Variants in RELCH observed in about 807,000 individuals in gnomAD.
The protein encoded by RELCH is RAB11 binding and LisH domain, coiled-coil and HEAT repeat containing, also known as RAB11-binding protein RELCH.
In RELCH, 41 loss-of-function variants were observed where a neutral mutation model predicts 150.3. The ratio of observed to expected loss-of-function variants is 0.27; its 90% CI spans 0.21 to 0.35. RELCH has a LOEUF of 0.35. Ranked by LOEUF, RELCH falls within the 10% of genes least tolerant of loss-of-function variation. RELCH has a pLI of 1.00. For missense variants in RELCH, 1,092 were observed against 1,467.8 expected, an observed-to-expected ratio of 0.74 and a Z score of 4.18; for synonymous variants, 478 against 531.8, an observed-to-expected ratio of 0.90 and a Z score of 1.39.
At chr18:62,265,157 C>T (rs1035659171) in intron 18 of RELCH, among the ~76,000 whole-genome samples, 5 of 152,044 alleles carry the variant, frequency 3.3e-5, no homozygotes, top group Non-Finnish European at 5.9e-5. Flanking sequence ...CAACCACAAT[C>T]CTTTGAATGT....
At chr18:62,203,815 AC>A (rs1283295287) in intron 1 of RELCH, among the ~76,000 whole-genome samples, 7 of 152,132 alleles carry the variant, frequency 4.6e-5, no homozygotes, top group African/African-American at 1.7e-4. Context: ...ACCCATCTCT[AC>A]AAAAAAATTA....
intron 5 of RELCH, among the ~76,000 whole-genome samples, chr18:62,225,864 T>C (rs2041186637): frequency 6.6e-6 from 1 of 151,958 alleles, no homozygotes; most frequent in Non-Finnish European, 1.5e-5. Context: ...AAGGCTTTTA[T>C]ATACATTTAA....
intron 1 of RELCH, among the ~76,000 whole-genome samples, chr18:62,202,928 T>A (rs1175498705): frequency 1.3e-5 from 2 of 152,176 alleles, no homozygotes; most frequent in Non-Finnish European, 2.9e-5. Flanking sequence ...TTGATAAAAG[T>A]TCACCATTGA....
At chr18:62,277,710 A>C in intron 22 of RELCH, 4 of 960,660 alleles carry the variant, frequency 4.2e-6, no homozygotes, top group Non-Finnish European at 3.7e-6. Context: ...ACAGCAGGAC[A>C]AAAAGAGGGA....
chr18:62,264,188 T>C (rs2043424971), intron 17 of RELCH, 43 bp downstream of exon 17: 1 of 1,487,936 alleles, frequency 6.7e-7, no homozygotes, highest in African/African-American at 1.4e-5. Context: ...ATGATAACTC[T>C]TATATTTAGC....
intron 12 of RELCH, chr18:62,254,565 T>C (rs1436309393): frequency 6.6e-6 from 1 of 152,150 alleles, no homozygotes; most frequent in East Asian, 1.9e-4. Flanking sequence ...AAGATGTCAG[T>C]TATAAACATC....
Position 62,306,017 on chromosome 18 carries a change from G to C in RELCH, c.*483G>C, listed in dbSNP as rs2045867154. 2 of 152,756 alleles carry C rather than the reference G, an allele frequency of 1.3e-5. No homozygotes were observed. The highest frequency in any genetic ancestry group is 4.1e-4 in the South Asian group (2 of 4,830). The allele number at this position is 152,756 out of a possible 1,614,324, so 9.5% of individuals were successfully genotyped here. On this transcript the variant is annotated 3_prime_UTR_variant, in exon 29 of 29. Coordinates refer to ENST00000644646, the MANE Select transcript of RELCH (RefSeq NM_001346231.2). ...CTTAACTGACTAGAAAGAGCCACCA[G>C]CATTACTCTGTGCCTTTTGGACATC...
At chr18:62,267,768 G>A (rs956578958) in intron 19 of RELCH, among the ~76,000 whole-genome samples, 6 of 151,630 alleles carry the variant, frequency 4.0e-5, no homozygotes, top group Non-Finnish European at 8.8e-5. Context: ...ATTAATTCTT[G>A]TGATAAATTA....
chr18:62,244,233 G>A (rs887554455), intron 10 of RELCH, among the ~76,000 whole-genome samples: 1 of 152,072 alleles, frequency 6.6e-6, no homozygotes, highest in Non-Finnish European at 1.5e-5. Context: ...TACTGATACT[G>A]AGACAATTCA....
At chr18:62,193,849 G>A (rs929142986) in intron 1 of RELCH, among the ~76,000 whole-genome samples, 9 of 152,058 alleles carry the variant, frequency 5.9e-5, no homozygotes, top group Admixed American at 5.9e-4. Flanking sequence ...TTACATGTTG[G>A]TTTTGTTTCA....
chr18:62,272,504 T>C (rs1012405937), intron 20 of RELCH, among the ~76,000 whole-genome samples: 23 of 152,248 alleles, frequency 1.5e-4, no homozygotes, highest in Non-Finnish European at 2.5e-4. Context: ...GTTATTCATA[T>C]CTGTAAAGAG....
chr18:62,257,851 T>A, intron 13 of RELCH, 97 bp from the exon 14 acceptor site: 1 of 963,428 alleles, frequency 1.0e-6, no homozygotes, highest in Non-Finnish European at 1.5e-6. Context: ...TTAATACCTG[T>A]TTAATCTGGA....
rs531468676 is a variant in RELCH, at chr18:62,188,101, G to A, written c.526+70G>A. On this transcript the variant is annotated intron_variant, in intron 1 of 28. Transcript: ENST00000644646. ...TGTACGGAGTTACTGTAGGGGAGAG[G>A]GGGTATTTCTGCGTGGGTCCCGATA... 4.9e-5 allele frequency: 70 copies of A among 1,437,046 alleles called. No individual in the cohort carries two copies. The South Asian group carries it at 9.4e-4, about 19-fold the overall frequency. 89.0% of individuals were successfully genotyped at this position (1,437,046 alleles called of 1,614,324 possible).
intron 11 of RELCH, among the ~76,000 whole-genome samples, chr18:62,252,046 G>A (rs2042732917): frequency 1.3e-5 from 2 of 151,830 alleles, no homozygotes; most frequent in South Asian, 2.1e-4. Flanking sequence ...GCCAGGCTGG[G>A]GTGCAGTGGC....
intron 12 of RELCH, 99 bp downstream of exon 12, chr18:62,252,853 T>C (rs1435153768): frequency 1.2e-6 from 1 of 818,608 alleles, no homozygotes; most frequent in African/African-American, 1.7e-5. Flanking sequence ...ATATGTGGGA[T>C]ATAAATTATG....
intron 11 of RELCH, among the ~76,000 whole-genome samples, chr18:62,252,051 A>C (rs1490262233): frequency 6.6e-6 from 1 of 151,766 alleles, no homozygotes; most frequent in Non-Finnish European, 1.5e-5. Context: ...GCTGGGGTGC[A>C]GTGGCGCTAT....
chr18:62,237,978 T>C (rs912605264), intron 10 of RELCH, among the ~76,000 whole-genome samples: 14 of 151,886 alleles, frequency 9.2e-5, no homozygotes, highest in African/African-American at 2.4e-5. Flanking sequence ...ACAATTATAA[T>C]ATTTTTTAAT....
intron 11 of RELCH, among the ~76,000 whole-genome samples, chr18:62,251,523 G>A (rs182706239): frequency 6.6e-6 from 1 of 152,216 alleles, no homozygotes; most frequent in East Asian, 1.9e-4. Context: ...ACAGACTTTT[G>A]GAACCTAATC....
At chr18:62,274,211 A>G in intron 21 of RELCH, 125 bp downstream of exon 21, 1 of 622,022 alleles carries the variant, frequency 1.6e-6, no homozygotes, top group Non-Finnish European at 2.8e-6. Flanking sequence ...TTGAAACTTA[A>G]GGGTTTTTTT....
Sources: allele counts gnomAD v4.1 joint callset (sites outside exome capture counted in the v4.1 genomes callset), GRCh38; gene constraint gnomAD v4.1.1; transcripts MANE v1.5; gene names NCBI Gene and HGNC (gene_info 2026-07-23, HGNC 2026-07-21).